The following EIF3D variants were observed in gnomAD, a reference collection of about 807,000 sequenced individuals.
EIF3D encodes the protein eIF3 p66.
Under a neutral mutation model 75.4 loss-of-function variants are expected in EIF3D, and 10 were observed. The ratio of observed to expected loss-of-function variants is 0.13; its 90% CI spans 0.08 to 0.22. The LOEUF (loss-of-function observed/expected upper bound fraction) is 0.22, where lower values mean the gene tolerates loss of function less well. EIF3D is among the 10% of genes least tolerant of loss of function. The pLI is 1.00. For missense variants in EIF3D, 394 were observed against 708.0 expected (o/e 0.56, Z 5.03); for synonymous variants, 246 against 248.3 (o/e 0.99, Z 0.09).
At chr22:36,526,200 GAAGT>G in intron 1 of EIF3D, 69 bp from the exon 2 acceptor site, 1 of 1,447,714 alleles carries the variant, frequency 6.9e-7, no homozygotes, top group Non-Finnish European at 9.2e-7. Context: ...CCCTCCATAT[GAAGT>G]AAGCAAAGAC....
chr22:36,514,906 A>C (rs1934399231), intron 12 of EIF3D, among the ~76,000 whole-genome samples: 1 of 152,158 alleles, frequency 6.6e-6, no homozygotes, highest in Non-Finnish European at 1.5e-5. Flanking sequence ...TCATGGGGGC[A>C]GACTTCCCCC....
At chr22:36,521,545 ACAACT>A (rs773095910) in intron 6 of EIF3D, among the ~76,000 whole-genome samples, 171 of 152,332 alleles carry the variant, frequency 1.1e-3, no homozygotes, top group Non-Finnish European at 1.8e-3. Flanking sequence ...AAAGTGAAAA[ACAACT>A]CAAATGTTCA....
At chr22:36,527,268 T>C (rs1012303168) in intron 1 of EIF3D, among the ~76,000 whole-genome samples, 1 of 152,208 alleles carries the variant, frequency 6.6e-6, no homozygotes, top group African/African-American at 2.4e-5. Flanking sequence ...TAGGAGCCAA[T>C]GTTATCCGCA....
intron 1 of EIF3D, chr22:36,528,593 C>CGGGGGGGGGGG (rs1348791641): frequency 8.4e-6 from 1 of 119,760 alleles, no homozygotes; most frequent in African/African-American, 5.2e-5. Flanking sequence ...CATCGCTGAA[C>CGGGGGGGGGGG]AGGGGGTGGG....
At position 36,518,889 on chromosome 22, in the gene EIF3D, C is replaced by T. The variant is rs1478986426; in HGVS notation, c.733G>A (p.Val245Met). Residue 245 changes from valine (V) to methionine (M), a missense_variant, in exon 9 of 15, where the codon GTG (valine) becomes ATG (methionine). By Grantham distance (21) the Val-to-Met change is conservative. Transcript: ENST00000216190. ...GCCAGGATGGCATCAGTGGCAAACA[C>T]ATTCCCCTGAGTTTTTGCCAGCTGC... ...IRKLAKTQGN[V>M]FATDAILATL... 1.2e-6 allele frequency: 2 copies of T among 1,614,052 alleles called. No individual in the cohort carries two copies. Among genetic ancestry groups the T allele is most frequent in the Non-Finnish European group, 1.7e-6 (2 of 1,180,036 alleles).
At position 36,519,592 on chromosome 22, in the gene EIF3D, T is replaced by C. The variant is rs140293691; in HGVS notation, c.579-55A>G. The C allele has an allele frequency of 2.1e-5, 34 of 1,605,946 alleles. No individual in the cohort carries two copies. In the Middle Eastern group the frequency reaches 1.0e-3, roughly 47 times the overall value. ...AGTAAGAGAGATAACCCCCAGTTTT[T>C]TCTTTTAAGCCATACATCCAGAAGT... On this transcript the variant is annotated intron_variant, in intron 7 of 14. Transcript: ENST00000216190.
intron 7 of EIF3D, 73 bp from the exon 8 acceptor site, chr22:36,519,610 C>T (rs1934481257): frequency 6.3e-7 from 1 of 1,590,972 alleles, no homozygotes; most frequent in Non-Finnish European, 8.6e-7. Context: ...AGCCATACAT[C>T]CAGAAGTCTT....
chr22:36,514,186 G>A lies in EIF3D; in HGVS notation c.1207-1584C>T, dbSNP rs76326770. Among the ~76,000 whole-genome samples, 654 of 152,288 alleles carry A rather than the reference G, an allele frequency of 4.3e-3. 18 individuals carry two copies. The East Asian group carries it at 0.056, about 13-fold the overall frequency. On this transcript the variant is annotated intron_variant, in intron 12 of 14. Coordinates refer to ENST00000216190, the MANE Select transcript of EIF3D (RefSeq NM_003753.4). ...GGACAGCTGGCCCAGAGGCAATGAC[G>A]GGACTGGGGACACATGGAAGGGGAA...
chr22:36,512,653 G>A (rs766030751), intron 12 of EIF3D, 51 bp from the exon 13 acceptor site: 1 of 1,580,216 alleles, frequency 6.3e-7, no homozygotes, highest in Admixed American at 1.8e-5. Flanking sequence ...AATGCCCAAG[G>A]TGCTGGGACC....
chr22:36,512,407 C>G, intron 13 of EIF3D, 53 bp downstream of exon 13: 1 of 1,608,100 alleles, frequency 6.2e-7, no homozygotes, highest in Non-Finnish European at 8.5e-7. Context: ...ACCTCCCTAC[C>G]CAGACCCTTC....
At chr22:36,526,504 T>C (rs7288936) in intron 1 of EIF3D, among the ~76,000 whole-genome samples, 13,255 of 152,272 alleles carry the variant, frequency 0.087, 669 homozygotes, top group African/African-American at 0.14. Context: ...TTTGATAAAA[T>C]GTCCTAATGT....
At chr22:36,525,436 C>T (rs528107467) in intron 3 of EIF3D, among the ~76,000 whole-genome samples, 12 of 151,906 alleles carry the variant, frequency 7.9e-5, no homozygotes, top group African/African-American at 2.7e-4. Flanking sequence ...TTTAAAAGGG[C>T]CCAAAACCCC....
At chr22:36,528,161 C>A (rs1934635896) in intron 1 of EIF3D, among the ~76,000 whole-genome samples, 1 of 152,100 alleles carries the variant, frequency 6.6e-6, no homozygotes, top group Non-Finnish European at 1.5e-5. Context: ...AAGCAGCTGA[C>A]CTCATCATTT....
intron 8 of EIF3D, 133 bp downstream of exon 8, chr22:36,519,272 C>T (rs772869044): frequency 6.8e-6 from 9 of 1,315,516 alleles, no homozygotes; most frequent in African/African-American, 4.4e-5. Flanking sequence ...TCCACATTTC[C>T]GGTCTACCTG....
At chr22:36,517,098 A>G (rs573370777) in intron 10 of EIF3D, among the ~76,000 whole-genome samples, 1 of 152,302 alleles carries the variant, frequency 6.6e-6, no homozygotes, top group African/African-American at 2.4e-5. Context: ...CTCCACTATC[A>G]TTAAATTCTG....
At chr22:36,516,251 A>G (rs535842140) in intron 12 of EIF3D, 1 of 464,922 alleles carries the variant, frequency 2.2e-6, no homozygotes, top group South Asian at 4.3e-5. Context: ...AAAAATAAGC[A>G]GAAAAGTTCT....
intron 2 of EIF3D, 99 bp downstream of exon 2, chr22:36,525,900 A>T (rs895005423): frequency 2.6e-6 from 4 of 1,518,818 alleles, no homozygotes; most frequent in Non-Finnish European, 3.5e-6. Flanking sequence ...CCTATAAGAA[A>T]TTCAGGAGTT....
chr22:36,514,665 A>G (rs1343258809), intron 12 of EIF3D, among the ~76,000 whole-genome samples: 1 of 152,192 alleles, frequency 6.6e-6, no homozygotes, highest in Non-Finnish European at 1.5e-5. Context: ...CCAGCTGACA[A>G]CTGGCAGGGG....
Position 36,518,616 on chromosome 22 carries a change from A to G in EIF3D, c.859+147T>C, listed in dbSNP as rs73886819. ...GTGACAGTCTCTTCTCCTAACCTCT[A>G]AAGAGTGTGGGAGATTCAGACACTG... On this transcript the variant is annotated intron_variant, in intron 9 of 14. Coordinates refer to ENST00000216190, the MANE Select transcript of EIF3D (RefSeq NM_003753.4). 4.9e-3 allele frequency: 5,301 copies of G among 1,070,982 alleles called. 191 individuals are homozygous for G. The African/African-American group carries it at 0.076, about 15-fold the overall frequency. The allele number at this position is 1,070,982 out of a possible 1,614,324, so 66.3% of individuals were successfully genotyped here. A position where few individuals can be genotyped will look rare whatever the true frequency, so the allele number is the denominator to read the frequency against.
Sources: gnomAD v4.1 joint callset for allele counts (sites outside exome capture counted in the v4.1 genomes callset) on GRCh38, gnomAD v4.1.1 for gene constraint, MANE v1.5 for transcripts, NCBI Gene and HGNC (gene_info 2026-07-23, HGNC 2026-07-21) for gene names.